SHROOM4: variants seen among roughly 807,000 people sequenced by gnomAD.
SHROOM4 encodes the protein protein Shroom4.
In SHROOM4, 17 loss-of-function variants were observed where a neutral mutation model predicts 80.3. The ratio of observed to expected loss-of-function variants is 0.21; its 90% CI spans 0.14 to 0.32. SHROOM4 has a LOEUF of 0.32. Ranked by LOEUF, SHROOM4 falls within the 10% of genes least tolerant of loss-of-function variation. SHROOM4 has a pLI of 1.00. For missense variants in SHROOM4, 993 were observed against 1,140.3 expected, an observed-to-expected ratio of 0.87 and a Z score of 1.86; for synonymous variants, 400 against 437.5, an observed-to-expected ratio of 0.91 and a Z score of 1.07.
rs1052952660 is a variant in SHROOM4 at position 50,620,723 on chromosome X, C to G, written c.2957+6891G>C. Among the ~76,000 whole-genome samples the G allele has an allele frequency of 3.3e-4, 37 of 111,341 alleles. 1 individual carries two copies. Among genetic ancestry groups the G allele is most frequent in the Admixed American group, 7.6e-4 (8 of 10,502 alleles). Reference sequence around the variant, plus strand: ...ATAGTTTAATAAGCAGATTATGATGCCTTGAAGTTGCTTCTATTTGTACTT... The same window carrying G: ...ATAGTTTAATAAGCAGATTATGATGGCTTGAAGTTGCTTCTATTTGTACTT... On this transcript the variant is annotated intron_variant, in intron 5 of 8. Coordinates refer to ENST00000376020, the MANE Select transcript of SHROOM4 (RefSeq NM_020717.5).
intron 2 of SHROOM4, among the ~76,000 whole-genome samples, chrX:50,649,144 G>A (rs1446239462): frequency 4.4e-5 from 5 of 112,360 alleles, no homozygotes; most frequent in African/African-American, 1.3e-4. Flanking sequence ...GAAGCACCTA[G>A]AAGGCTGATA....
At chrX:50,735,610 CAATGAT>C (rs1401245088) in intron 1 of SHROOM4, among the ~76,000 whole-genome samples, 2 of 108,744 alleles carry the variant, frequency 1.8e-5, no homozygotes, top group East Asian at 5.8e-4. Context: ...AATTAGAACT[CAATGAT>C]AAAGAGAAAA....
chrX:50,612,168 A>C (rs1930025311), intron 5 of SHROOM4, among the ~76,000 whole-genome samples: 1 of 109,126 alleles, frequency 9.2e-6, no homozygotes, highest in African/African-American at 3.4e-5. Context: ...AAACAGATTA[A>C]CCACTTGCTA....
rs782637078 is a variant in SHROOM4 at position 50,641,692 on chromosome X, A to G, written c.270-3384T>C. ...CAATGGCACAATCTTGGCTGACTGC[A>G]ACCTCCGCCTCCCTGGTTCAAGCAA... On this transcript the variant is annotated intron_variant, in intron 2 of 8. Transcript: ENST00000376020. 2.7e-5 allele frequency among the ~76,000 whole-genome samples: 3 copies of G among 110,436 alleles called. No individual in the cohort carries two copies. In the South Asian group the frequency reaches 1.2e-3, roughly 44 times the overall value.
At chrX:50,778,145 A>G (rs1385410199) in intron 1 of SHROOM4, among the ~76,000 whole-genome samples, 2 of 111,956 alleles carry the variant, frequency 1.8e-5, no homozygotes, top group African/African-American at 6.5e-5. Flanking sequence ...ATCAAGAATC[A>G]GCTTTCTGAC....
Position 50,598,456 on chromosome X carries a change from G to A in SHROOM4, c.4022C>T (p.Ala1341Val). Residue 1341 changes from alanine (A) to valine (V), a missense_variant, in exon 8 of 9, where the codon GCC becomes GTC. Coordinates refer to ENST00000376020, the MANE Select transcript of SHROOM4 (RefSeq NM_020717.5). Reference protein sequence around the residue: ...AQRGLLEDINANSALGEEVEA... With the variant: ...AQRGLLEDINVNSALGEEVEA... Reference sequence around the variant, plus strand: ...CACCTCCTCCCCAAGGGCAGAATTGGCATTGATGTCCTCTAGCAGCCCTCG... The same window carrying A: ...CACCTCCTCCCCAAGGGCAGAATTGACATTGATGTCCTCTAGCAGCCCTCG... The A allele has an allele frequency of 2.5e-6, 3 of 1,208,761 alleles. No individual in the cohort carries two copies. Among genetic ancestry groups the A allele is most frequent in the Non-Finnish European group, 3.4e-6 (3 of 893,912 alleles).
intron 1 of SHROOM4, among the ~76,000 whole-genome samples, chrX:50,795,279 TAAGA>T (rs1313126265): frequency 2.9e-5 from 3 of 105,237 alleles, no homozygotes; most frequent in African/African-American, 7.0e-5. Flanking sequence ...ATTAATAGCC[TAAGA>T]AAGAAAGAAT....
chrX:50,627,036 G>T (rs1557253189), intron 5 of SHROOM4, among the ~76,000 whole-genome samples: 1 of 111,735 alleles, frequency 8.9e-6, no homozygotes, highest in Non-Finnish European at 1.9e-5. Flanking sequence ...CAACTGATTA[G>T]CTGTGGGACT....
chrX:50,733,227 A>G (rs1202419598), intron 1 of SHROOM4, among the ~76,000 whole-genome samples: 1 of 111,855 alleles, frequency 8.9e-6, no homozygotes, highest in Non-Finnish European at 1.9e-5. Flanking sequence ...TCATGATAAA[A>G]CCCTGAATAA....
chrX:50,809,471 AAC>A (rs1936290867), intron 1 of SHROOM4, among the ~76,000 whole-genome samples: 1 of 112,684 alleles, frequency 8.9e-6, no homozygotes, highest in Non-Finnish European at 1.9e-5. Flanking sequence ...AAGGATGGCA[AAC>A]ACTATTAGAG....
chrX:50,743,403 T>G (rs984059518), intron 1 of SHROOM4, among the ~76,000 whole-genome samples: 2 of 111,342 alleles, frequency 1.8e-5, no homozygotes, highest in Admixed American at 1.9e-4. Context: ...GGGCTCTTTA[T>G]GGATTCAAAT....
chrX:50,621,713 C>T (rs1930582023), intron 5 of SHROOM4, among the ~76,000 whole-genome samples: 1 of 111,786 alleles, frequency 8.9e-6, no homozygotes, highest in Non-Finnish European at 1.9e-5. Context: ...CAAATCCTTC[C>T]GAGCCTCTGA....
chrX:50,626,775 C>T (rs1376954361), intron 5 of SHROOM4, among the ~76,000 whole-genome samples: 1 of 111,784 alleles, frequency 8.9e-6, no homozygotes, highest in Non-Finnish European at 1.9e-5. Context: ...GGTTGTTTGG[C>T]AAGTGGTAAT....
At chrX:50,654,577 A>C (rs1252161524) in intron 2 of SHROOM4, among the ~76,000 whole-genome samples, 2 of 110,514 alleles carry the variant, frequency 1.8e-5, no homozygotes, top group Non-Finnish European at 3.8e-5. Context: ...TCTCTTAGCA[A>C]TTTAAGTATA....
intron 1 of SHROOM4, among the ~76,000 whole-genome samples, chrX:50,777,796 A>C (rs182852485): frequency 8.9e-6 from 1 of 112,485 alleles, no homozygotes; most frequent in East Asian, 2.8e-4. Context: ...AAATGGTTGA[A>C]GTTGCTGCTT....
chrX:50,741,112 G>T (rs1934645127), intron 1 of SHROOM4, among the ~76,000 whole-genome samples: 1 of 111,532 alleles, frequency 9.0e-6, no homozygotes, highest in South Asian at 3.7e-4. Flanking sequence ...ATGTATGGGT[G>T]TATTTCTGGG....
chrX:50,636,200 A>T (rs1249166754), intron 3 of SHROOM4, among the ~76,000 whole-genome samples: 1 of 110,945 alleles, frequency 9.0e-6, no homozygotes, highest in African/African-American at 3.3e-5. Context: ...GTCTCGGTGA[A>T]TCCTGAGAAT....
At chrX:50,768,318 G>A (rs138921340) in intron 1 of SHROOM4, among the ~76,000 whole-genome samples, 1 of 111,868 alleles carries the variant, frequency 8.9e-6, no homozygotes, top group Non-Finnish European at 1.9e-5. Context: ...TTCTGGGTGG[G>A]TAAAGCGATT....
At chrX:50,598,130 T>G (rs1188668297) in intron 8 of SHROOM4, 136 bp downstream of exon 8, 5 of 871,796 alleles carry the variant, frequency 5.7e-6, no homozygotes, top group Non-Finnish European at 8.3e-6. Flanking sequence ...TGAGCCACCG[T>G]GCCCATCCTC....
Sources: gnomAD v4.1 joint callset for allele counts (sites outside exome capture counted in the v4.1 genomes callset) on GRCh38, gnomAD v4.1.1 for gene constraint, MANE v1.5 for transcripts, NCBI Gene and HGNC (gene_info 2026-07-23, HGNC 2026-07-21) for gene names.